LGMN: variants seen among roughly 807,000 people sequenced by gnomAD.
LGMN encodes the protein legumain, also known as asparaginyl endopeptidase.
In LGMN, 36 loss-of-function variants were observed where a neutral mutation model predicts 56.8. The observed-to-expected ratio is 0.63, with a 90% confidence interval of 0.49 to 0.84. The LOEUF (loss-of-function observed/expected upper bound fraction) is 0.84. LGMN is among the 40% of genes least tolerant of loss of function. The probability of loss-of-function intolerance (pLI) is 0.00; values close to 1 mark genes in which losing one functional copy is unlikely to be tolerated. For synonymous variants in LGMN, 199 were observed against 210.1 expected, an observed-to-expected ratio of 0.95 and a Z score of 0.46; for missense variants, 446 against 556.1, an observed-to-expected ratio of 0.80 and a Z score of 1.99.
chr14:92,725,267 AT>A (rs1336719746), intron 2 of LGMN, among the ~76,000 whole-genome samples: 1 of 152,168 alleles, frequency 6.6e-6, no homozygotes, highest in Non-Finnish European at 1.5e-5. Flanking sequence ...TTAAAAGCAG[AT>A]TTCAGGCCAG....
Position 92,744,885 on chromosome 14 carries a change from C to T in LGMN, c.-30+3604G>A, listed in dbSNP as rs181560560. ...CTGGCATTACAGGTGTGAGCCACCG[C>T]GCCTGGCCTATCTTTTAGTATTATG... On this transcript the variant is annotated intron_variant, in intron 1 of 13. Transcript: ENST00000334869. Among the ~76,000 whole-genome samples the T allele has an allele frequency of 3.6e-3, 551 of 152,284 alleles. 1 individual carries two copies. The highest frequency in any genetic ancestry group is 0.014 in the Middle Eastern group (4 of 294).
In LGMN at chr14:92,714,244, C is replaced by A; in HGVS notation, c.480+132G>T. ...ATTTCAAGCTGCTAAACCTGTCCCC[C>A]ACTCCCACCCACCACACGTACAAAC... On this transcript the variant is annotated intron_variant, in intron 6 of 13. Coordinates refer to ENST00000334869, the MANE Select transcript of LGMN (RefSeq NM_005606.7). This position sits in a 1 kb window ranked among gnomAD's most constrained non-coding sequence, Gnocchi z 5.1. 3.1e-6 allele frequency: 2 copies of A among 650,538 alleles called. No individual in the cohort carries two copies. Among genetic ancestry groups the A allele is most frequent in the Non-Finnish European group, 5.5e-6 (2 of 364,294 alleles). 40.3% of individuals were successfully genotyped at this position (650,538 alleles called of 1,614,324 possible). A position where few individuals can be genotyped will look rare whatever the true frequency, so the allele number is the denominator to read the frequency against.
intron 1 of LGMN, among the ~76,000 whole-genome samples, chr14:92,739,973 G>A (rs751055921): frequency 2.0e-5 from 3 of 152,140 alleles, no homozygotes; most frequent in Non-Finnish European, 4.4e-5. Context: ...ACTCCCAGCT[G>A]GGCACGGTGG....
intron 12 of LGMN, among the ~76,000 whole-genome samples, chr14:92,705,277 G>A (rs1485543441): frequency 6.6e-6 from 1 of 152,140 alleles, no homozygotes; most frequent in East Asian, 1.9e-4. Flanking sequence ...CGAGGCAGGT[G>A]GGTCACCTGA....
intron 8 of LGMN, chr14:92,712,597 T>C (rs2140215507): frequency 5.2e-6 from 3 of 574,152 alleles, no homozygotes; most frequent in East Asian, 5.9e-5. Context: ...AAGAGCACTG[T>C]GAGGCTCACA....
chr14:92,718,967 T>A, intron 2 of LGMN, 123 bp from the exon 3 acceptor site: 1 of 615,898 alleles, frequency 1.6e-6, no homozygotes, highest in Non-Finnish European at 3.0e-6. Flanking sequence ...GTCAGGCATT[T>A]AAATTATTAT....
chr14:92,717,776 C>T (rs1367763457), intron 3 of LGMN, among the ~76,000 whole-genome samples: 1 of 152,192 alleles, frequency 6.6e-6, no homozygotes, highest in East Asian at 1.9e-4. Flanking sequence ...TCATCAAAAG[C>T]TCTCTCAGAG....
intron 4 of LGMN, 152 bp downstream of exon 4, chr14:92,717,228 T>C: frequency 1.9e-6 from 1 of 536,324 alleles, no homozygotes. Context: ...CTCTCATAAT[T>C]TACTCCTCAG....
At chr14:92,708,376 T>A (rs1779854584) in intron 11 of LGMN, among the ~76,000 whole-genome samples, 2 of 151,664 alleles carry the variant, frequency 1.3e-5, no homozygotes, top group Non-Finnish European at 2.9e-5. Flanking sequence ...GGTGGGAAGA[T>A]CACTTGAGCT....
chr14:92,726,160 C>T (rs1890729934), intron 2 of LGMN, among the ~76,000 whole-genome samples: 1 of 151,670 alleles, frequency 6.6e-6, no homozygotes, highest in African/African-American at 2.4e-5. Flanking sequence ...TCGCTTAAAC[C>T]CAGGAGGCGG....
chr14:92,714,542 G>A lies in LGMN; in HGVS notation c.405-91C>T. On this transcript the variant is annotated intron_variant, in intron 5 of 13. Transcript: ENST00000334869. The surrounding 1 kb of genome is among the most constrained non-coding windows in gnomAD (Gnocchi z 5.1). ...GCTGCCCTAATCAAAAAATTAAGAA[G>A]TTTGGGGAGTAGAGTTGCCCAACCA... is the stretch of plus-strand genomic sequence containing the variant. 1 of 959,240 alleles carries A rather than the reference G, an allele frequency of 1.0e-6. No individual in the cohort carries two copies. 59.4% of individuals were successfully genotyped at this position (959,240 alleles called of 1,614,324 possible).
intron 2 of LGMN, among the ~76,000 whole-genome samples, chr14:92,731,676 T>C (rs1034640370): frequency 6.6e-6 from 1 of 152,228 alleles, no homozygotes; most frequent in Non-Finnish European, 1.5e-5. Context: ...ATAAATCACA[T>C]TGTGTTTCTC....
At chr14:92,706,697 G>C (rs376043187) in intron 11 of LGMN, 44 bp from the exon 12 acceptor site, 3 of 1,502,890 alleles carry the variant, frequency 2.0e-6, no homozygotes, top group South Asian at 1.3e-5. Context: ...CCCTGAATGC[G>C]GTCTCTCAGG....
chr14:92,723,283 G>A (rs1890574578), intron 2 of LGMN, among the ~76,000 whole-genome samples: 1 of 152,104 alleles, frequency 6.6e-6, no homozygotes, highest in South Asian at 2.1e-4. Context: ...CTGACCTCGT[G>A]ATACACCTGC....
intron 1 of LGMN, among the ~76,000 whole-genome samples, chr14:92,747,490 AAAAAC>A (rs898429654): frequency 1.3e-5 from 2 of 152,206 alleles, no homozygotes; most frequent in African/African-American, 4.8e-5. Context: ...ACTCCGTCTC[AAAAAC>A]AAAACAAAAC....
intron 2 of LGMN, among the ~76,000 whole-genome samples, chr14:92,726,452 C>T (rs535292763): frequency 1.3e-5 from 2 of 152,204 alleles, no homozygotes; most frequent in South Asian, 2.1e-4. Context: ...GAAAAAAACT[C>T]TGCAGGCCCC....
Position 92,740,523 on chromosome 14 carries a change from A to G in LGMN, c.-29-7708T>C, listed in dbSNP as rs571193629. On this transcript the variant is annotated intron_variant, in intron 1 of 13. Transcript: ENST00000334869. The stretch of plus-strand genomic sequence containing the variant: ...GCAAAGACTGTGTTTGTTCCACTAC[A>G]TCACCTGCTTGTCACACAAAGAAAG... Among the ~76,000 whole-genome samples the G allele has an allele frequency of 2.0e-5, 3 of 152,292 alleles. No individual in the cohort carries two copies. The East Asian group carries it at 5.8e-4, about 29-fold the overall frequency.
At chr14:92,736,795 C>G (rs897631187) in intron 1 of LGMN, among the ~76,000 whole-genome samples, 3 of 152,114 alleles carry the variant, frequency 2.0e-5, no homozygotes, top group African/African-American at 7.2e-5. Flanking sequence ...TTACCCAGCC[C>G]TTGTTCATCA....
chr14:92,713,674 T>C (rs1889914392), intron 7 of LGMN, 149 bp downstream of exon 7: 1 of 692,610 alleles, frequency 1.4e-6, no homozygotes, highest in East Asian at 2.7e-5. Flanking sequence ...GCCGAAAGCC[T>C]CATCCTGGGA....
Sources: gnomAD v4.1 joint callset for allele counts (sites outside exome capture counted in the v4.1 genomes callset) on GRCh38, gnomAD v4.1.1 for gene constraint, Gnocchi (gnomAD v3.1) non-coding constraint, MANE v1.5 for transcripts, NCBI Gene and HGNC (gene_info 2026-07-23, HGNC 2026-07-21) for gene names.